CCT8: variants seen among roughly 807,000 people sequenced by gnomAD.
The protein encoded by CCT8 is T-complex protein 1 subunit theta.
In CCT8, 10 loss-of-function variants were observed where a neutral mutation model predicts 65.7. The observed-to-expected ratio is 0.15, with a 90% CI of 0.09 to 0.26. The LOEUF is 0.26. CCT8 is among the 10% of genes least tolerant of loss of function. The pLI is 1.00. For missense variants in CCT8, 568 were observed against 669.1 expected (o/e 0.85, Z 1.67); for synonymous variants, 199 against 221.8 (o/e 0.90, Z 0.92).
chr21:29,064,132 G>A (rs571356244), intron 7 of CCT8, among the ~76,000 whole-genome samples: 1 of 152,182 alleles, frequency 6.6e-6, no homozygotes, highest in East Asian at 1.9e-4. Context: ...AGGCTAACTA[G>A]TGTTCCCAAT....
In CCT8 at chr21:29,062,348, T is replaced by C; in HGVS notation, c.1076A>G (p.Gln359Arg). Reference protein sequence around the residue: ...SVYLSEVGDTQVVVFKHEKED... With the variant: ...SVYLSEVGDTRVVVFKHEKED... ...CATACCATGCTTAAAAACCACCACCTGAGTATCTCCAACTTCTGAGAGGTA... is the reference window on the plus strand; with the variant it reads ...CATACCATGCTTAAAAACCACCACCCGAGTATCTCCAACTTCTGAGAGGTA... The change falls in exon 10 of 15, where the codon CAG becomes CGG. Residue 359 changes from glutamine to arginine, a missense_variant. Physicochemically the swap from Gln to Arg is conservative, Grantham distance 43. Transcript: ENST00000286788. 1.2e-6 allele frequency: 2 copies of C among 1,613,722 alleles called. No homozygotes were observed. The highest frequency in any genetic ancestry group is 2.7e-5 in the African/African-American group (2 of 75,042).
In CCT8 at chr21:29,069,518, TAAAA is replaced by T; in HGVS notation, c.152-20_152-17del. The T allele has an allele frequency of 1.3e-6, 2 of 1,486,008 alleles. No homozygotes were observed. The highest frequency in any genetic ancestry group is 9.1e-7 in the Non-Finnish European group (1 of 1,103,364). 92.1% of individuals were successfully genotyped at this position (1,486,008 alleles called of 1,614,324 possible). A position where few individuals can be genotyped will look rare whatever the true frequency, so the allele number is the denominator to read the frequency against. ...TTGTTCATTCCTCAAAAGTAACAGT[TAAAA>T]AAAGAAAAAGAAAGCCATTATTAAT... On this transcript the variant is annotated splice_polypyrimidine_tract_variant and intron_variant, in intron 2 of 14. Transcript: ENST00000286788.
chr21:29,058,975 G>A (rs1354192450), intron 14 of CCT8, among the ~76,000 whole-genome samples: 1 of 152,056 alleles, frequency 6.6e-6, no homozygotes, highest in African/African-American at 2.4e-5. Flanking sequence ...GTGCCATGAT[G>A]TGATCACAGC....
At chr21:29,070,429 C>A in intron 1 of CCT8, 92 bp from the exon 2 acceptor site, 1 of 704,422 alleles carries the variant, frequency 1.4e-6, no homozygotes. Context: ...TATATCTTGC[C>A]TCTAATAAAG....
At chr21:29,071,133 T>G (rs1298048170) in intron 1 of CCT8, among the ~76,000 whole-genome samples, 1 of 152,218 alleles carries the variant, frequency 6.6e-6, no homozygotes, top group Non-Finnish European at 1.5e-5. Flanking sequence ...CCCAATACAG[T>G]AGCCACTAGC....
intron 5 of CCT8, 28 bp from the exon 6 acceptor site, chr21:29,066,805 GATT>G (rs778937654): frequency 6.3e-7 from 1 of 1,586,490 alleles, no homozygotes; most frequent in Non-Finnish European, 8.6e-7. Context: ...CATATCAAAA[GATT>G]ATTTTGGGAC....
At chr21:29,058,155 A>G (rs1488698418) in intron 14 of CCT8, 1 of 152,112 alleles carries the variant, frequency 6.6e-6, no homozygotes. Context: ...AAAGTAACTA[A>G]AAGCTGGGTG....
chr21:29,072,484 T>C (rs2085692829), intron 1 of CCT8, among the ~76,000 whole-genome samples: 1 of 152,186 alleles, frequency 6.6e-6, no homozygotes, highest in South Asian at 2.1e-4. Flanking sequence ...TGGAAGCTAT[T>C]ATCTCAGCCT....
At chr21:29,072,307 A>G in intron 1 of CCT8, 1 of 208,528 alleles carries the variant, frequency 4.8e-6, no homozygotes, top group Non-Finnish European at 9.6e-6. Flanking sequence ...GAAGGACATA[A>G]ACTCTACGAC....
chr21:29,057,865 C>A (rs2085521566), intron 14 of CCT8, among the ~76,000 whole-genome samples: 2 of 150,770 alleles, frequency 1.3e-5, no homozygotes, highest in Non-Finnish European at 2.9e-5. Context: ...TGATATATAT[C>A]TCAGCCAACC....
intron 8 of CCT8, 25 bp from the exon 9 acceptor site, chr21:29,062,581 TA>T: frequency 6.3e-7 from 1 of 1,589,348 alleles, no homozygotes; most frequent in Non-Finnish European, 8.6e-7. Context: ...AAGACCTTAA[TA>T]AAAGTTTTAA....
At chr21:29,072,115 G>A (rs1443583547) in intron 1 of CCT8, 11 of 610,418 alleles carry the variant, frequency 1.8e-5, no homozygotes, top group Non-Finnish European at 2.9e-5. Context: ...AAACAGCCCA[G>A]GCTCAGGGGC....
intron 3 of CCT8, among the ~76,000 whole-genome samples, chr21:29,068,298 G>A (rs2085645483): frequency 1.3e-5 from 2 of 151,924 alleles, no homozygotes; most frequent in South Asian, 2.1e-4. Context: ...TCAGCCCTGT[G>A]ATTTTATTAT....
intron 14 of CCT8, among the ~76,000 whole-genome samples, chr21:29,058,847 C>G (rs2085532624): frequency 6.6e-6 from 1 of 152,134 alleles, no homozygotes; most frequent in African/African-American, 2.4e-5. Flanking sequence ...CTGCCTTGGC[C>G]TCCCAAAGTG....
intron 1 of CCT8, 35 bp from the exon 2 acceptor site, chr21:29,070,372 TAGAC>T (rs777633482): frequency 3.6e-6 from 5 of 1,374,202 alleles, no homozygotes; most frequent in African/African-American, 1.4e-5. Flanking sequence ...CCCCGCTAAT[TAGAC>T]AGGACAGTGA....
intron 14 of CCT8, chr21:29,059,640 G>A (rs530830145): frequency 2.6e-5 from 4 of 152,246 alleles, no homozygotes; most frequent in African/African-American, 9.6e-5. Context: ...TTCTTCCATT[G>A]AAAATCACCT....
At chr21:29,058,817 C>T (rs928342828) in intron 14 of CCT8, among the ~76,000 whole-genome samples, 2 of 152,192 alleles carry the variant, frequency 1.3e-5, no homozygotes, top group Admixed American at 1.3e-4. Context: ...TGGTCTCAAC[C>T]TCCTGACCTC....
chr21:29,060,823 C>A (rs2085554992), intron 13 of CCT8, among the ~76,000 whole-genome samples, 163 bp from the exon 14 acceptor site: 1 of 152,176 alleles, frequency 6.6e-6, no homozygotes, highest in South Asian at 2.1e-4. Flanking sequence ...GGTTCTAGCA[C>A]CTCCAAGGAT....
chr21:29,066,929 T>C lies in CCT8; in HGVS notation c.524A>G (p.Asn175Ser), dbSNP rs1205369242. Residue 175 changes from asparagine (N) to serine (S), a missense_variant, in exon 5 of 15, where the codon AAT (asparagine) becomes AGT (serine). By Grantham distance (46) the Asn-to-Ser change is conservative (BLOSUM62 1). Coordinates refer to ENST00000286788, the MANE Select transcript of CCT8 (RefSeq NM_006585.4). ...AATAAGCTTGGCCAGAAATACTTCATTACCATATTGTTTACTCATTATGGA... is the reference window on the plus strand; with the variant it reads ...AATAAGCTTGGCCAGAAATACTTCACTACCATATTGTTTACTCATTATGGA... ...RTSIMSKQYG[N>S]EVFLAKLIAQ... 6.2e-7 allele frequency: 1 copy of C among 1,611,828 alleles called. No homozygotes were observed.
Sources: gnomAD v4.1 joint callset for allele counts (sites outside exome capture counted in the v4.1 genomes callset) on GRCh38, gnomAD v4.1.1 for gene constraint, MANE v1.5 for transcripts, NCBI Gene and HGNC (gene_info 2026-07-23, HGNC 2026-07-21) for gene names.